The following FAM168A variants were observed in gnomAD, a reference collection of about 807,000 sequenced individuals.
FAM168A encodes the protein family with sequence similarity 168 member A.
Under a neutral mutation model 28.5 loss-of-function variants are expected in FAM168A, and 3 were observed. That is an observed-to-expected ratio of 0.11 (90% CI 0.05 to 0.27). The LOEUF (loss-of-function observed/expected upper bound fraction) is 0.27, where lower values mean the gene tolerates loss of function less well. Among genes scored for constraint, FAM168A ranks in the 10% least tolerant of loss-of-function variants. The pLI is 1.00. For missense variants in FAM168A, 222 were observed against 311.5 expected, an observed-to-expected ratio of 0.71 and a Z score of 2.16; for synonymous variants, 122 against 124.2, an observed-to-expected ratio of 0.98 and a Z score of 0.12.
At chr11:73,518,259 T>C (rs1433771478) in intron 1 of FAM168A, among the ~76,000 whole-genome samples, 1 of 152,088 alleles carries the variant, frequency 6.6e-6, no homozygotes, top group South Asian at 2.1e-4. Context: ...TTGCAACAGA[T>C]TGTATTTTCC....
At chr11:73,562,220 C>T (rs747269608) in intron 1 of FAM168A, among the ~76,000 whole-genome samples, 17 of 152,210 alleles carry the variant, frequency 1.1e-4, no homozygotes, top group Admixed American at 6.5e-4. Flanking sequence ...GAATTACAGG[C>T]GTGAGCCACC....
intron 1 of FAM168A, among the ~76,000 whole-genome samples, chr11:73,495,495 TG>T (rs1317661537): frequency 6.6e-6 from 1 of 152,144 alleles, no homozygotes. Context: ...TTGAAATCAC[TG>T]GGGTGCTCTT....
intron 3 of FAM168A, among the ~76,000 whole-genome samples, chr11:73,425,299 C>G (rs181660638): frequency 6.6e-6 from 1 of 152,158 alleles, no homozygotes; most frequent in Non-Finnish European, 1.5e-5. Flanking sequence ...CCAGAGCTGC[C>G]GGATGTGAAC....
chr11:73,541,110 CA>C (rs530292790), intron 1 of FAM168A, among the ~76,000 whole-genome samples: 99 of 151,964 alleles, frequency 6.5e-4, no homozygotes, highest in Non-Finnish European at 1.1e-3. Context: ...GAGGCTGAGA[CA>C]GGAGAAGCAC....
At chr11:73,463,448 G>C (rs1391602019) in intron 2 of FAM168A, among the ~76,000 whole-genome samples, 1 of 152,140 alleles carries the variant, frequency 6.6e-6, no homozygotes, top group African/African-American at 2.4e-5. Context: ...AAGATAATGA[G>C]CTCAGTTTTA....
chr11:73,500,831 C>T (rs949264024), intron 1 of FAM168A, among the ~76,000 whole-genome samples: 21 of 152,118 alleles, frequency 1.4e-4, no homozygotes, highest in Admixed American at 3.9e-4. Flanking sequence ...CAAATTCACA[C>T]ATAACAATAT....
intron 1 of FAM168A, among the ~76,000 whole-genome samples, chr11:73,579,020 C>G (rs1012856560): frequency 2.0e-5 from 3 of 152,190 alleles, no homozygotes; most frequent in Non-Finnish European, 2.9e-5. Context: ...TGGTGACAGT[C>G]AGCTTCCTGG....
intron 1 of FAM168A, among the ~76,000 whole-genome samples, chr11:73,548,015 T>A (rs1000291160): frequency 6.6e-6 from 1 of 152,144 alleles, no homozygotes; most frequent in Admixed American, 6.5e-5. Flanking sequence ...TCCACTTACA[T>A]GAGGTATCTA....
chr11:73,542,908 C>T (rs1354811493), intron 1 of FAM168A, among the ~76,000 whole-genome samples: 1 of 152,182 alleles, frequency 6.6e-6, no homozygotes, highest in Non-Finnish European at 1.5e-5. Context: ...AAATTCTCCT[C>T]TTCTCGTTAT....
At chr11:73,582,901 T>C (rs1325543103) in intron 1 of FAM168A, among the ~76,000 whole-genome samples, 1 of 152,146 alleles carries the variant, frequency 6.6e-6, no homozygotes, top group African/African-American at 2.4e-5. Context: ...CTGACCCAGC[T>C]ATGGGCAAAG....
At chr11:73,524,508 A>C (rs1250292966) in intron 1 of FAM168A, among the ~76,000 whole-genome samples, 2 of 151,536 alleles carry the variant, frequency 1.3e-5, no homozygotes, top group East Asian at 1.9e-4. Flanking sequence ...CTGATCCTCT[A>C]ATTTATTTCT....
intron 4 of FAM168A, among the ~76,000 whole-genome samples, chr11:73,417,801 C>T (rs532382380): frequency 3.0e-4 from 45 of 152,128 alleles, no homozygotes; most frequent in African/African-American, 1.1e-3. Flanking sequence ...CCTTGTGATC[C>T]GCCCACCTCG....
chr11:73,536,750 C>T (rs1943587956), intron 1 of FAM168A, among the ~76,000 whole-genome samples: 1 of 152,108 alleles, frequency 6.6e-6, no homozygotes, highest in South Asian at 2.1e-4. Context: ...TGGTTATTCA[C>T]TTCATAGGGG....
intron 2 of FAM168A, among the ~76,000 whole-genome samples, chr11:73,464,353 A>T (rs557944605): frequency 0.024 from 2,156 of 90,318 alleles, 36 homozygotes; most frequent in African/African-American, 0.12. Flanking sequence ...ACACTGGTTT[A>T]AAAAAAAAAA....
intron 1 of FAM168A, among the ~76,000 whole-genome samples, chr11:73,517,565 G>A (rs1214800314): frequency 6.6e-6 from 1 of 152,098 alleles, no homozygotes; most frequent in Non-Finnish European, 1.5e-5. Flanking sequence ...AATACATGAC[G>A]TGGTGGATTG....
chr11:73,457,474 T>C (rs1259929952), intron 2 of FAM168A, among the ~76,000 whole-genome samples: 1 of 151,724 alleles, frequency 6.6e-6, no homozygotes, highest in Non-Finnish European at 1.5e-5. Flanking sequence ...AGAAGAGTTA[T>C]TGTTTAATGG....
intron 1 of FAM168A, among the ~76,000 whole-genome samples, chr11:73,590,121 G>T (rs1202067578): frequency 1.3e-5 from 2 of 152,020 alleles, no homozygotes; most frequent in East Asian, 3.9e-4. Context: ...TGCTAACACA[G>T]CTGAAGGCAG....
chr11:73,471,216 C>T (rs759749277), intron 1 of FAM168A, among the ~76,000 whole-genome samples: 46 of 152,130 alleles, frequency 3.0e-4, no homozygotes, highest in Admixed American at 1.0e-3. Context: ...GTAGGAAGAT[C>T]ATAAACTCTA....
At chr11:73,461,945 AAGAGAG>A (rs745404619) in intron 2 of FAM168A, among the ~76,000 whole-genome samples, 3 of 151,704 alleles carry the variant, frequency 2.0e-5, no homozygotes, top group African/African-American at 4.8e-5. Context: ...CTATTATTTA[AAGAGAG>A]AGAGAGAGAG....
Sources: allele counts gnomAD v4.1 joint callset (sites outside exome capture counted in the v4.1 genomes callset), GRCh38; gene constraint gnomAD v4.1.1; transcripts MANE v1.5; gene names NCBI Gene and HGNC (gene_info 2026-07-23, HGNC 2026-07-21).